The following KDM5D variants were observed in gnomAD, a reference collection of about 807,000 sequenced individuals.
The protein encoded by KDM5D is lysine-specific demethylase 5D.
A neutral mutation model predicts 31.9 loss-of-function variants in KDM5D; 25 were observed. That is an observed-to-expected ratio of 0.78 (90% CI 0.57 to 1.09). The LOEUF is 1.09. Ranked by LOEUF, KDM5D falls within the 50% of genes least tolerant of loss-of-function variation. KDM5D has a pLI of 0.00. For synonymous variants in KDM5D, 146 were observed against 122.3 expected, an observed-to-expected ratio of 1.19 and a Z score of -1.28; for missense variants, 366 against 341.6, an observed-to-expected ratio of 1.07 and a Z score of -0.56.
chrY:19,744,416 T>A lies in KDM5D; in HGVS notation c.119A>T (p.Lys40Met), dbSNP rs780597809. ...TGGGCGGATTTTGCAGATGCCAGACTTCTCTGCTATGGGCCTTATTTTCGC... is the reference window on the plus strand; with the variant it reads ...TGGGCGGATTTTGCAGATGCCAGACATCTCTGCTATGGGCCTTATTTTCGC... ...YIAKIRPIAE[K>M]SGICKIRPPA... The change falls in exon 2 of 27, where the codon AAG becomes ATG. Residue 40 changes from lysine to methionine, a missense_variant. Lys to Met is a moderately conservative substitution (Grantham distance 95). Coordinates refer to ENST00000317961, the MANE Select transcript of KDM5D (RefSeq NM_004653.5). 1 of 389,797 alleles carries A rather than the reference T, an allele frequency of 2.6e-6. No individual in the cohort carries two copies. Among genetic ancestry groups the A allele is most frequent in the Non-Finnish European group, 3.6e-6 (1 of 279,252 alleles).
rs762724576 is a variant in KDM5D at position 19,721,326 on chromosome Y, A to G, written c.1372-15T>C. 5.2e-6 allele frequency: 2 copies of G among 388,257 alleles called. No individual in the cohort carries two copies. Among genetic ancestry groups the G allele is most frequent in the Non-Finnish European group, 7.3e-6 (2 of 274,337 alleles). ...GTCGCATACTCCTGTTGGGTCAGAG[A>G]TTTGCCAGAGTGAGTAGGGAGTAGG... On this transcript the variant is annotated splice_polypyrimidine_tract_variant and intron_variant, in intron 11 of 26. Coordinates refer to ENST00000317961, the MANE Select transcript of KDM5D (RefSeq NM_004653.5).
chrY:19,733,853 G>C, intron 8 of KDM5D, among the ~76,000 whole-genome samples: 3 of 32,668 alleles, frequency 9.2e-5, no homozygotes, highest in Non-Finnish European at 2.2e-4. Context: ...TCCAGCCTGG[G>C]CGAGAGCGAG....
chrY:19,706,601 C>T lies in KDM5D; in HGVS notation c.4109G>A (p.Gly1370Asp). 1 of 398,845 alleles carries T rather than the reference C, an allele frequency of 2.5e-6. No individual in the cohort carries two copies. Among genetic ancestry groups the T allele is most frequent in the Non-Finnish European group, 3.5e-6 (1 of 283,541 alleles). ...TGCCTCAGGCAGCTCCAACACAGGG[C>T]CAGTCAACTGCGGCAACAGTGAGGA... is the stretch of plus-strand genomic sequence containing the variant. ...LLSSLLPQLTGPVLELPEAIR... is the reference protein window; with the variant it reads ...LLSSLLPQLTDPVLELPEAIR... Residue 1370 changes from glycine (G) to aspartate (D), a missense_variant, in exon 26 of 27, where the codon GGC becomes GAC. Gly to Asp is a moderately conservative substitution (Grantham distance 94). Coordinates refer to ENST00000317961, the MANE Select transcript of KDM5D (RefSeq NM_004653.5).
intron 6 of KDM5D, 46 bp downstream of exon 6, chrY:19,739,482 A>G (rs2045532320): frequency 2.7e-6 from 1 of 371,408 alleles, no homozygotes; most frequent in African/African-American, 6.6e-5. Context: ...GGTCTAGATG[A>G]ACCTTCTCAG....
At chrY:19,723,731 G>T in intron 11 of KDM5D, among the ~76,000 whole-genome samples, 3 of 33,492 alleles carry the variant, frequency 9.0e-5, no homozygotes, top group Non-Finnish European at 7.4e-5. Context: ...TAATCCTAGG[G>T]AAACAGTCTT....
Position 19,706,291 on chromosome Y carries a change from G to A in KDM5D, c.4324C>T (p.Arg1442Ter). The A allele has an allele frequency of 2.5e-6, 1 of 395,221 alleles. No homozygotes were observed. Among genetic ancestry groups the A allele is most frequent in the Non-Finnish European group, 3.5e-6 (1 of 281,906 alleles). The stretch of plus-strand genomic sequence containing the variant: ...TGATCCACCTTCTGCCGCCGCCGTC[G>A]CCTCTCCAGAGCCCGGCTCCTTGTC... ...SRTRSRALER[R>*]RRRQKVDQGR... Residue 1442 changes from arginine (R) to a stop codon, truncating the protein, a stop_gained, in exon 27 of 27, where the codon CGA becomes TGA. Coordinates refer to ENST00000317961, the MANE Select transcript of KDM5D (RefSeq NM_004653.5). LOFTEE classifies it high-confidence loss of function.
At chrY:19,744,335 A>G in intron 2 of KDM5D, 50 bp downstream of exon 2, 5 of 350,577 alleles carry the variant, frequency 1.4e-5, no homozygotes, top group Non-Finnish European at 1.6e-5. Context: ...AACTGCCCCA[A>G]CGTTCAAACC....
chrY:19,743,670 G>GT (rs2045575477), intron 2 of KDM5D, among the ~76,000 whole-genome samples: 1 of 33,563 alleles, frequency 3.0e-5, no homozygotes, highest in Non-Finnish European at 7.3e-5. Flanking sequence ...GTACGAAAAA[G>GT]TTTAATTGCA....
intron 6 of KDM5D, among the ~76,000 whole-genome samples, chrY:19,735,960 A>G (rs2045509410): frequency 3.0e-5 from 1 of 33,458 alleles, no homozygotes; most frequent in Non-Finnish European, 7.4e-5. Context: ...AATTTCCTCA[A>G]CTTTTTTCAT....
At chrY:19,728,879 G>A (rs2045452766) in intron 11 of KDM5D, among the ~76,000 whole-genome samples, 1 of 32,264 alleles carries the variant, frequency 3.1e-5, no homozygotes, top group African/African-American at 1.2e-4. Context: ...TATTACTTGG[G>A]AGAAGTAAAA....
In KDM5D at chrY:19,709,631, A is replaced by G; in HGVS notation, c.2762T>C (p.Val921Ala). The G allele has an allele frequency of 1.5e-5, 6 of 395,443 alleles. No individual in the cohort carries two copies. The highest frequency in any genetic ancestry group is 2.1e-5 in the Non-Finnish European group (6 of 282,477). ...AGCAGAAGGGGCCAGGGCCTGCTTC[A>G]CTTCATCTAGCCATTGCGCCTGCTC... ...QVEQAQWLDE[V>A]KQALAPSAHR... Residue 921 changes from valine to alanine, a missense_variant, in exon 20 of 27, where the codon GTG (valine) becomes GCG (alanine). Transcript: ENST00000317961.
At chrY:19,739,693 A>G in intron 5 of KDM5D, 31 bp from the exon 6 acceptor site, 1 of 331,468 alleles carries the variant, frequency 3.0e-6, no homozygotes, top group Non-Finnish European at 4.3e-6. Context: ...AGAATCAGAA[A>G]TTGAGTCATA....
At position 19,731,666 on chromosome Y, in the gene KDM5D, C is replaced by T; in HGVS notation, c.1371+106G>A. ...AGTATCATCAAACCTCATTATTATCCGAAATATGTGAAGACAACACTGTGT... is the reference window on the plus strand; with the variant it reads ...AGTATCATCAAACCTCATTATTATCTGAAATATGTGAAGACAACACTGTGT... On this transcript the variant is annotated intron_variant, in intron 11 of 26. Transcript: ENST00000317961. 4.0e-5 allele frequency: 8 copies of T among 201,252 alleles called. No homozygotes were observed. In the African/African-American group the frequency reaches 4.1e-4, roughly 10 times the overall value. 50.2% of individuals were successfully genotyped at this position (201,252 alleles called of 400,897 possible). A position where few individuals can be genotyped will look rare whatever the true frequency, so the allele number is the denominator to read the frequency against.
Position 19,716,465 on chromosome Y carries a change from A to G in KDM5D, c.1845T>C (p.Ala615=). Residue 615 remains alanine (A), a synonymous_variant, in exon 15 of 27, where the codon GCT becomes GCC. Transcript: ENST00000317961. ...GGTAGTGTTCAATGCACTGGCGTCC[A>G]GCAGGTAGCTGCAAGTGCGTTCAAG... The part of the protein sequence containing the change: ...VNFCTADWLP[A]GRQCIEHYRR... The G allele has an allele frequency of 2.5e-6, 1 of 399,095 alleles. No individual in the cohort carries two copies. The highest frequency in any genetic ancestry group is 3.5e-6 in the Non-Finnish European group (1 of 283,284).
Position 19,709,550 on chromosome Y carries a change from G to A in KDM5D, c.2843C>T (p.Ala948Val). The change falls in exon 20 of 27, where the codon GCC (alanine) becomes GTC (valine). Residue 948 changes from alanine (A) to valine (V), a missense_variant. Ala to Val is a moderately conservative substitution (Grantham distance 64). Coordinates refer to ENST00000317961, the MANE Select transcript of KDM5D (RefSeq NM_004653.5). ...GGCCTTGTCCACAGAAGGGCTGGAG[G>A]CTATCTTGGCACCCATAACCAAAAG... ...QGLLVMGAKI[A>V]SSPSVDKARA... 2.5e-6 allele frequency: 1 copy of A among 398,711 alleles called. No homozygotes were observed. Among genetic ancestry groups the A allele is most frequent in the Non-Finnish European group, 3.5e-6 (1 of 283,462 alleles).
In KDM5D at chrY:19,707,745, A is replaced by G. The variant is rs1202723144; in HGVS notation, c.3401T>C (p.Ile1134Thr). ...AQDLRDPGSV[I>T]VAFKEGEQKE... ...CTGTTCCCCTTCCTTGAAGGCCACA[A>G]TCTGCCATATCCAGAAGAGGGGGAA... Residue 1134 changes from isoleucine to threonine, a missense_variant and splice_region_variant, in exon 24 of 27, where the codon ATT becomes ACT. Transcript: ENST00000317961. The G allele has an allele frequency of 6.3e-5, 25 of 396,315 alleles. No individual in the cohort carries two copies. Among genetic ancestry groups the G allele is most frequent in the Non-Finnish European group, 8.9e-5 (25 of 282,425 alleles).
Position 19,741,908 on chromosome Y carries a change from A to AT in KDM5D, c.229-52dup, listed in dbSNP as rs1488253590. ...TTGGCATACTCCTTAACCTGACTTC[A>AT]TCGAGTATGCAGTAAATGAACAAGT... On this transcript the variant is annotated intron_variant, in intron 3 of 26. Transcript: ENST00000317961. 6 of 306,311 alleles carry AT rather than the reference A, an allele frequency of 2.0e-5. No individual in the cohort carries two copies. The East Asian group carries it at 5.9e-4, about 30-fold the overall frequency. 76.4% of individuals were successfully genotyped at this position (306,311 alleles called of 400,897 possible).
At chrY:19,718,667 G>C (rs2045366196) in intron 13 of KDM5D, among the ~76,000 whole-genome samples, 1 of 33,756 alleles carries the variant, frequency 3.0e-5, no homozygotes, top group Non-Finnish European at 7.3e-5. Context: ...GTTTAAGATG[G>C]TTCGTTTTGT....
intron 6 of KDM5D, among the ~76,000 whole-genome samples, chrY:19,738,550 A>T (rs2045525473): frequency 3.0e-5 from 1 of 33,798 alleles, no homozygotes; most frequent in Admixed American, 2.7e-4. Context: ...GTGAAAACAC[A>T]CTTATATAAA....
Sources: gnomAD v4.1 joint callset for allele counts (sites outside exome capture counted in the v4.1 genomes callset) on GRCh38, gnomAD v4.1.1 for gene constraint, MANE v1.5 for transcripts, NCBI Gene and HGNC (gene_info 2026-07-23, HGNC 2026-07-21) for gene names.